The following WWOX variants were observed in gnomAD, a reference collection of about 807,000 sequenced individuals.
The protein encoded by WWOX is WW domain-containing oxidoreductase.
WWOX carries 69 observed loss-of-function variants against 46.2 expected under a neutral mutation model. The ratio of observed to expected loss-of-function variants is 1.49; its 90% CI spans 1.23 to 1.82. The LOEUF (loss-of-function observed/expected upper bound fraction) is 1.82. WWOX is among the 40% of genes most tolerant of loss of function. WWOX has a pLI of 0.00. For missense variants in WWOX, 919 were observed against 542.6 expected, an observed-to-expected ratio of 1.69 and a Z score of -6.89; for synonymous variants, 359 against 202.6, an observed-to-expected ratio of 1.77 and a Z score of -6.56.
At chr16:79,058,015 C>G (rs565151027) in intron 8 of WWOX, among the ~76,000 whole-genome samples, 3 of 151,566 alleles carry the variant, frequency 2.0e-5, no homozygotes, top group African/African-American at 7.3e-5. Flanking sequence ...ATAGTGATTG[C>G]GAATCTCACT....
intron 8 of WWOX, among the ~76,000 whole-genome samples, chr16:78,988,186 T>G (rs2151342466): frequency 6.6e-6 from 1 of 151,602 alleles, no homozygotes; most frequent in Admixed American, 6.6e-5. Flanking sequence ...CTACTAAAAA[T>G]ACAAAAACTT....
At chr16:78,160,887 C>T (rs559332897) in intron 4 of WWOX, among the ~76,000 whole-genome samples, 29 of 152,134 alleles carry the variant, frequency 1.9e-4, no homozygotes, top group African/African-American at 6.7e-4. Flanking sequence ...TAAAATCTTC[C>T]ATTATAATTG....
chr16:79,192,036 G>A (rs949954328), intron 8 of WWOX, among the ~76,000 whole-genome samples: 2 of 152,174 alleles, frequency 1.3e-5, no homozygotes, highest in East Asian at 1.9e-4. Flanking sequence ...TGGGGCATTC[G>A]CGTTAGAGAC....
chr16:79,200,408 C>T (rs939476553), intron 8 of WWOX, among the ~76,000 whole-genome samples: 9 of 152,158 alleles, frequency 5.9e-5, no homozygotes, highest in African/African-American at 1.2e-4. Flanking sequence ...CATTACACGT[C>T]AACAAGAATA....
chr16:78,522,523 G>A (rs990655554), intron 8 of WWOX, among the ~76,000 whole-genome samples: 3 of 152,092 alleles, frequency 2.0e-5, no homozygotes, highest in African/African-American at 7.2e-5. Context: ...GCTGTCATAT[G>A]ACCTCCAGAT....
chr16:78,144,707 G>C (rs1164796176), intron 4 of WWOX, among the ~76,000 whole-genome samples: 1 of 150,540 alleles, frequency 6.6e-6, no homozygotes, highest in African/African-American at 2.4e-5. Flanking sequence ...TTTTAGTAGA[G>C]GTGGGGTTTT....
chr16:78,244,203 G>A (rs1226698929), intron 5 of WWOX, among the ~76,000 whole-genome samples: 4 of 152,300 alleles, frequency 2.6e-5, no homozygotes, highest in Admixed American at 6.5e-5. Context: ...GTCTCTTCCC[G>A]ATGGGGGTTA....
At chr16:78,909,720 A>T (rs2045059709) in intron 8 of WWOX, among the ~76,000 whole-genome samples, 1 of 152,210 alleles carries the variant, frequency 6.6e-6, no homozygotes, top group South Asian at 2.1e-4. Context: ...TTTAAGCAAA[A>T]CCATATGCAT....
At chr16:78,647,839 C>A (rs1170541624) in intron 8 of WWOX, among the ~76,000 whole-genome samples, 1 of 152,220 alleles carries the variant, frequency 6.6e-6, no homozygotes, top group Non-Finnish European at 1.5e-5. Context: ...TGGAATATTT[C>A]TGGCTTTGGG....
intron 8 of WWOX, among the ~76,000 whole-genome samples, chr16:78,856,117 C>T (rs2052560208): frequency 6.6e-6 from 1 of 152,114 alleles, no homozygotes; most frequent in African/African-American, 2.4e-5. Context: ...GAGGGATCAG[C>T]ATAGGAAAGG....
chr16:79,167,201 C>T (rs1379328717), intron 8 of WWOX, among the ~76,000 whole-genome samples: 2 of 152,280 alleles, frequency 1.3e-5, no homozygotes, highest in East Asian at 3.9e-4. Flanking sequence ...CTCGGCCTCC[C>T]AAAATGCTGG....
chr16:79,103,727 T>G (rs2150637140), intron 8 of WWOX, among the ~76,000 whole-genome samples: 1 of 152,292 alleles, frequency 6.6e-6, no homozygotes, highest in South Asian at 2.1e-4. Context: ...CCTAGATATG[T>G]TACTTAAACT....
intron 8 of WWOX, among the ~76,000 whole-genome samples, chr16:79,161,549 G>T (rs1487510843): frequency 6.6e-6 from 1 of 152,132 alleles, no homozygotes; most frequent in Non-Finnish European, 1.5e-5. Context: ...TCAGGACAGG[G>T]TCTTGTTCCA....
chr16:78,336,772 T>G (rs965207573), intron 5 of WWOX, among the ~76,000 whole-genome samples: 2 of 152,066 alleles, frequency 1.3e-5, no homozygotes, highest in African/African-American at 2.4e-5. Context: ...TTTTTACAAT[T>G]ATAGTATTAA....
At chr16:78,774,499 TGTGTGTG>T (rs1567550958) in intron 8 of WWOX, among the ~76,000 whole-genome samples, 57 of 17,452 alleles carry the variant, frequency 3.3e-3, no homozygotes, top group African/African-American at 8.5e-3. Flanking sequence ...ACCCATTTTG[TGTGTGTG>T]TGTGTGTGTG....
At chr16:78,378,702 A>G (rs1301155303) in intron 5 of WWOX, among the ~76,000 whole-genome samples, 1 of 152,168 alleles carries the variant, frequency 6.6e-6, no homozygotes, top group Non-Finnish European at 1.5e-5. Context: ...TGTAAAGCGG[A>G]AGGGTGAGAG....
chr16:78,672,575 C>G (rs779386676), intron 8 of WWOX, among the ~76,000 whole-genome samples: 14 of 152,210 alleles, frequency 9.2e-5, no homozygotes, highest in Non-Finnish European at 1.8e-4. Flanking sequence ...CATCTCCAAA[C>G]TGTGCCTAAA....
At chr16:78,444,046 G>A (rs997405905) in intron 8 of WWOX, among the ~76,000 whole-genome samples, 1 of 152,154 alleles carries the variant, frequency 6.6e-6, no homozygotes, top group Admixed American at 6.5e-5. Context: ...GTAAGGTAAT[G>A]TTTTCCTAGC....
chr16:78,366,942 G>GT (rs371756150), intron 5 of WWOX, among the ~76,000 whole-genome samples: 76 of 136,142 alleles, frequency 5.6e-4, no homozygotes, highest in South Asian at 9.6e-4. Context: ...ATTAGCTGGG[G>GT]TTTTTTTTTT....
Sources: gnomAD v4.1 joint callset for allele counts (sites outside exome capture counted in the v4.1 genomes callset) on GRCh38, gnomAD v4.1.1 for gene constraint, MANE v1.5 for transcripts, NCBI Gene and HGNC (gene_info 2026-07-23, HGNC 2026-07-21) for gene names.